Variants in MPO observed in about 807,000 individuals in gnomAD.
The protein encoded by MPO is myeloperoxidase.
Under a neutral mutation model 69.4 loss-of-function variants are expected in MPO, and 57 were observed. The ratio of observed to expected loss-of-function variants is 0.82; its 90% CI spans 0.66 to 1.02. MPO has a LOEUF of 1.02. MPO is among the 50% of genes least tolerant of loss of function. The pLI is 0.00. For synonymous variants in MPO, 426 were observed against 417.1 expected (o/e 1.02, Z -0.26); for missense variants, 971 against 1,014.1 (o/e 0.96, Z 0.58).
chr17:58,273,389 C>G, intron 9 of MPO, 25 bp downstream of exon 9: 1 of 1,614,068 alleles, frequency 6.2e-7, no homozygotes, highest in Non-Finnish European at 8.5e-7. Flanking sequence ...TCAGCCCACT[C>G]GCTCCTGGCC....
At chr17:58,274,886 A>G (rs1970416335) in intron 8 of MPO, among the ~76,000 whole-genome samples, 1 of 151,916 alleles carries the variant, frequency 6.6e-6, no homozygotes, top group South Asian at 2.1e-4. Flanking sequence ...TTATTTTGAG[A>G]TGGAGTCTCG....
At position 58,279,128 on chromosome 17, in the gene MPO, C is replaced by T. The variant is rs1232461866; in HGVS notation, c.765G>A (p.Trp255Ter). The T allele has an allele frequency of 6.2e-7, 1 of 1,612,976 alleles. No homozygotes were observed. Among genetic ancestry groups the T allele is most frequent in the Non-Finnish European group, 8.5e-7 (1 of 1,179,580 alleles). ...CGAGGTCGTGGTCCAACAGCTGGCCCCATTGCATGAACATGAGTGAGCGCT... is the reference window on the plus strand; with the variant it reads ...CGAGGTCGTGGTCCAACAGCTGGCCTCATTGCATGAACATGAGTGAGCGCT... ...DQERSLMFMQ[W>*]GQLLDHDLDF... Residue 255 changes from tryptophan (W) to a stop codon, truncating the protein, a stop_gained, in exon 6 of 12, where the codon TGG (tryptophan) becomes TGA (stop). Coordinates refer to ENST00000225275, the MANE Select transcript of MPO (RefSeq NM_000250.2). LOFTEE classifies it high-confidence loss of function.
In MPO at chr17:58,275,541, C is replaced by T. The variant is rs1260640862; in HGVS notation, c.1365+1G>A. ...TGTGCCCGGTGTTCAAGACGGCCTA[C>T]CTGGACCATGGCCCCCACGATCTTC... On this transcript the variant is annotated splice_donor_variant, in intron 8 of 11. Transcript: ENST00000225275. LOFTEE classifies it high-confidence loss of function. This position sits in a 1 kb window ranked among gnomAD's most constrained non-coding sequence, Gnocchi z 4.1. 4 of 1,614,156 alleles carry T rather than the reference C, an allele frequency of 2.5e-6. No homozygotes were observed. Among genetic ancestry groups the T allele is most frequent in the East Asian group, 2.2e-5 (1 of 44,880 alleles).
chr17:58,278,921 G>A, intron 6 of MPO, 87 bp downstream of exon 6: 5 of 1,471,118 alleles, frequency 3.4e-6, no homozygotes, highest in Non-Finnish European at 4.6e-6. Flanking sequence ...GTCTGGGAAA[G>A]GAAACCTGGG....
rs750182650 is a variant in MPO at position 58,270,768 on chromosome 17, A to G, written c.2126T>C (p.Ile709Thr). ...LPRIICDNTGITTVSKNNIFM... is the reference protein window; with the variant it reads ...LPRIICDNTGTTTVSKNNIFM... ...GATGTTGTTCTTAGACACGGTGGTG[A>G]TGCCTGTGTTGTCGCAGATGATCCG... is the stretch of plus-strand genomic sequence containing the variant. The change falls in exon 12 of 12, where the codon ATC becomes ACC. Residue 709 changes from isoleucine to threonine, a missense_variant. Coordinates refer to ENST00000225275, the MANE Select transcript of MPO (RefSeq NM_000250.2). This position sits in a 1 kb window ranked among gnomAD's most constrained non-coding sequence, Gnocchi z 4.1. 6.2e-7 allele frequency: 1 copy of G among 1,614,080 alleles called. No homozygotes were observed. Among genetic ancestry groups the G allele is most frequent in the East Asian group, 2.2e-5 (1 of 44,880 alleles).
intron 10 of MPO, 26 bp downstream of exon 10, chr17:58,272,722 C>A: frequency 6.2e-7 from 1 of 1,610,068 alleles, no homozygotes; most frequent in South Asian, 1.1e-5. Flanking sequence ...AGGTGAGCAT[C>A]AGGGGAGACT....
Position 58,270,675 on chromosome 17 carries a change from G to T in MPO, c.2219C>A (p.Ser740Tyr). ...TGGCCTCTAGGAGGCTTCCCTCCAG[G>T]AAGCCAGGTTCAATGCAGGAAGTGT... ...CSTLPALNLA[S>Y]WREAS is the part of the protein sequence containing the mutation. The change falls in exon 12 of 12, where the codon TCC becomes TAC. Residue 740 changes from serine to tyrosine, a missense_variant. Coordinates refer to ENST00000225275, the MANE Select transcript of MPO (RefSeq NM_000250.2). This position sits in a 1 kb window ranked among gnomAD's most constrained non-coding sequence, Gnocchi z 4.1. 1 of 1,612,994 alleles carries T rather than the reference G, an allele frequency of 6.2e-7. No homozygotes were observed. Among genetic ancestry groups the T allele is most frequent in the Non-Finnish European group, 8.5e-7 (1 of 1,179,494 alleles).
intron 11 of MPO, among the ~76,000 whole-genome samples, chr17:58,271,264 G>A (rs1970361504): frequency 6.6e-6 from 1 of 152,128 alleles, no homozygotes; most frequent in Admixed American, 6.5e-5. Flanking sequence ...CAAAGGTGCA[G>A]TACAGGCTAA....
intron 6 of MPO, 131 bp from the exon 7 acceptor site, chr17:58,278,276 G>A (rs1431880458): frequency 9.7e-7 from 1 of 1,027,578 alleles, no homozygotes; most frequent in Non-Finnish European, 1.4e-6. Flanking sequence ...GGCCCGAAAG[G>A]GATCGCTGCC....
At chr17:58,277,704 A>T in intron 7 of MPO, 123 bp downstream of exon 7, 1 of 1,354,288 alleles carries the variant, frequency 7.4e-7, no homozygotes, top group Non-Finnish European at 1.0e-6. Flanking sequence ...TGAAGTTGAT[A>T]GTAATGGCTG....
At position 58,278,999 on chromosome 17, in the gene MPO, C is replaced by T; in HGVS notation, c.885+9G>A. ...CCCAACCCAGGCAGTGGGCGGGAAGCAGGGCCACCTTGAGCGGGAAGCAGG... is the reference window on the plus strand; with the variant it reads ...CCCAACCCAGGCAGTGGGCGGGAAGTAGGGCCACCTTGAGCGGGAAGCAGG... On this transcript the variant is annotated intron_variant, in intron 6 of 11. Coordinates refer to ENST00000225275, the MANE Select transcript of MPO (RefSeq NM_000250.2). The T allele has an allele frequency of 6.2e-7, 1 of 1,603,686 alleles. No homozygotes were observed.
chr17:58,276,069 G>A (rs1970433774), intron 7 of MPO, among the ~76,000 whole-genome samples: 3 of 152,178 alleles, frequency 2.0e-5, no homozygotes, highest in African/African-American at 7.2e-5. Context: ...ATGGATACAT[G>A]GGGCTTAACA....
At chr17:58,278,414 G>T (rs540242083) in intron 6 of MPO, among the ~76,000 whole-genome samples, 1 of 152,218 alleles carries the variant, frequency 6.6e-6, no homozygotes, top group African/African-American at 2.4e-5. Context: ...AGCGTCGCCC[G>T]TCTCTCTCCC....
At chr17:58,274,445 G>A (rs1389028358) in intron 8 of MPO, among the ~76,000 whole-genome samples, 1 of 151,820 alleles carries the variant, frequency 6.6e-6, no homozygotes, top group African/African-American at 2.4e-5. Flanking sequence ...AGCACCAGAT[G>A]TTGAGAGACA....
intron 8 of MPO, among the ~76,000 whole-genome samples, chr17:58,274,367 TGTGTGTGTGTGTGTGTGA>T (rs1970409232): frequency 6.6e-6 from 1 of 151,422 alleles, no homozygotes; most frequent in African/African-American, 2.4e-5. Context: ...TGTGTGTGTG[TGTGTGTGTGTGTGTGTGA>T]GTGTGTGTAT....
Position 58,275,107 on chromosome 17 carries a change from C to CCCGCCT in MPO, c.1365+429_1365+434dup, listed in dbSNP as rs1434027284. ...CTTGATCTCCTGACCTCGTGATCCA[C>CCCGCCT]CCGCCTCCGCCTCCCAAAGTGCTGG... On this transcript the variant is annotated intron_variant, in intron 8 of 11. Transcript: ENST00000225275. The surrounding 1 kb of genome is among the most constrained non-coding windows in gnomAD (Gnocchi z 4.1). 4.6e-5 allele frequency among the ~76,000 whole-genome samples: 7 copies of CCCGCCT among 152,130 alleles called. No individual in the cohort carries two copies. Among genetic ancestry groups the CCCGCCT allele is most frequent in the Non-Finnish European group, 8.8e-5 (6 of 68,032 alleles).
chr17:58,275,634 G>C lies in MPO; in HGVS notation c.1273C>G (p.Arg425Gly). The C allele has an allele frequency of 6.2e-7, 1 of 1,614,142 alleles. No homozygotes were observed. The highest frequency in any genetic ancestry group is 8.5e-7 in the Non-Finnish European group (1 of 1,180,028). ...MHTLLLREHN[R>G]LATELKSLNP... The stretch of plus-strand genomic sequence containing the variant: ...AGGCTCTTGAGCTCTGTGGCCAGCC[G>C]GTTGTGCTCCCGAAGTAAGAGGGTG... The change falls in exon 8 of 12, where the codon CGG (arginine) becomes GGG (glycine). Residue 425 changes from arginine to glycine, a missense_variant. Arg to Gly is a moderately radical substitution (Grantham distance 125). Coordinates refer to ENST00000225275, the MANE Select transcript of MPO (RefSeq NM_000250.2). This position sits in a 1 kb window ranked among gnomAD's most constrained non-coding sequence, Gnocchi z 4.1.
rs119469013 is a variant in MPO, at chr17:58,273,534, C to A, written c.1501G>T (p.Gly501Cys). 1 of 1,614,190 alleles carries A rather than the reference C, an allele frequency of 6.2e-7. No homozygotes were observed. The highest frequency in any genetic ancestry group is 1.7e-5 in the Admixed American group (1 of 60,030). The change falls in exon 9 of 12, where the codon GGC becomes TGC. Residue 501 changes from glycine to cysteine, a missense_variant. Gly to Cys is a radical substitution (Grantham distance 159). Coordinates refer to ENST00000225275, the MANE Select transcript of MPO (RefSeq NM_000250.2). ...ATGAAGGGTTGGATGAGGGTGTGGC[C>A]GTAGCGGAAGGCATTGGTGAAGACG... is the stretch of plus-strand genomic sequence containing the variant. ...ANVFTNAFRY[G>C]HTLIQPFMFR... is the part of the protein sequence containing the mutation.
Position 58,270,952 on chromosome 17 carries a change from C to CA in MPO, c.2031-90dup. 6.8e-7 allele frequency: 1 copy of CA among 1,468,856 alleles called. No individual in the cohort carries two copies. The highest frequency in any genetic ancestry group is 9.5e-7 in the Non-Finnish European group (1 of 1,057,158). The allele number at this position is 1,468,856 out of a possible 1,614,324, so 91.0% of individuals were successfully genotyped here. A position where few individuals can be genotyped will look rare whatever the true frequency, so the allele number is the denominator to read the frequency against. ...GGCTTGTGCTGCTCCCAGGATATAACAAAGCCACAACAAATGCCACCTGGA... is the reference window on the plus strand; with the variant it reads ...GGCTTGTGCTGCTCCCAGGATATAACAAAAGCCACAACAAATGCCACCTGGA... On this transcript the variant is annotated intron_variant, in intron 11 of 11. Coordinates refer to ENST00000225275, the MANE Select transcript of MPO (RefSeq NM_000250.2). This position sits in a 1 kb window ranked among gnomAD's most constrained non-coding sequence, Gnocchi z 4.1.
Sources: allele counts gnomAD v4.1 joint callset (sites outside exome capture counted in the v4.1 genomes callset), GRCh38; gene constraint gnomAD v4.1.1; non-coding constraint Gnocchi (gnomAD v3.1); transcripts MANE v1.5; gene names NCBI Gene and HGNC (gene_info 2026-07-23, HGNC 2026-07-21).